Variants in PAK1 observed in about 807,000 individuals in gnomAD.
The protein encoded by PAK1 is serine/threonine-protein kinase PAK 1.
In PAK1, 29 loss-of-function variants were observed where a neutral mutation model predicts 67.4. That is an observed-to-expected ratio of 0.43 (90% CI 0.32 to 0.59). The LOEUF (loss-of-function observed/expected upper bound fraction) is 0.59. PAK1 is among the 20% of genes least tolerant of loss of function. The pLI is 0.07. For synonymous variants in PAK1, 223 were observed against 237.4 expected (o/e 0.94, Z 0.56); for missense variants, 337 against 670.7 (o/e 0.50, Z 5.50).
upstream of PAK1, chr11:77,474,979 T>C (rs1958035109): frequency 6.6e-6 from 1 of 152,176 alleles, no homozygotes; most frequent in South Asian, 2.1e-4. Flanking sequence ...ATTCAAATAT[T>C]AGTGATAGGA....
chr11:77,515,547 G>A, the PAK1 span, among the ~76,000 whole-genome samples: 6 of 152,188 alleles, frequency 3.9e-5, no homozygotes, highest in South Asian at 2.1e-4. Context: ...CCTTCCCACC[G>A]AAATACTACC....
At chr11:77,468,851 T>G (rs1957719695) in intron 1 of PAK1, among the ~76,000 whole-genome samples, 1 of 152,190 alleles carries the variant, frequency 6.6e-6, no homozygotes, top group East Asian at 1.9e-4. Context: ...TATTCAGGCA[T>G]TCATTAATGA....
the PAK1 span, among the ~76,000 whole-genome samples, chr11:77,490,329 TGGG>T: frequency 1.0e-5 from 1 of 96,216 alleles, no homozygotes; most frequent in African/African-American, 4.8e-5. Flanking sequence ...GGGAGGGAGG[TGGG>T]GGGGTCAGCC....
intron 1 of PAK1, among the ~76,000 whole-genome samples, chr11:77,426,864 C>T (rs1047660456): frequency 8.4e-5 from 12 of 143,582 alleles, no homozygotes; most frequent in Admixed American, 4.2e-4. Context: ...AAAAAAAATT[C>T]GGTGCTATGA....
chr11:77,444,806 C>A (rs2852394), intron 1 of PAK1, among the ~76,000 whole-genome samples: 43,441 of 151,854 alleles, frequency 0.29, 6,502 homozygotes, highest in South Asian at 0.44. Context: ...TCTCAAAACT[C>A]CTTGGTTCCA....
the PAK1 span, among the ~76,000 whole-genome samples, chr11:77,480,616 C>T: frequency 6.6e-6 from 1 of 152,014 alleles, no homozygotes; most frequent in Admixed American, 6.5e-5. Flanking sequence ...CTCCGCCTCC[C>T]AGGTTCAAGT....
intron 1 of PAK1, among the ~76,000 whole-genome samples, chr11:77,458,507 G>A (rs1359848682): frequency 2.0e-5 from 3 of 152,218 alleles, no homozygotes; most frequent in Middle Eastern, 3.4e-3. Flanking sequence ...TGATTTTTGT[G>A]CGTGTGATTC....
chr11:77,339,696 G>A (rs1327462705), intron 11 of PAK1, among the ~76,000 whole-genome samples: 1 of 151,968 alleles, frequency 6.6e-6, no homozygotes, highest in Non-Finnish European at 1.5e-5. Flanking sequence ...TTCAGCTCTT[G>A]CACCATCAAA....
chr11:77,386,894 C>T (rs1950513204), intron 2 of PAK1, among the ~76,000 whole-genome samples: 1 of 152,124 alleles, frequency 6.6e-6, no homozygotes, highest in Non-Finnish European at 1.5e-5. Flanking sequence ...CTGCCTCAGC[C>T]TTCTGTGTAG....
At chr11:77,491,356 G>A in the PAK1 span, among the ~76,000 whole-genome samples, 2 of 151,906 alleles carry the variant, frequency 1.3e-5, no homozygotes, top group Admixed American at 1.3e-4. Context: ...TTAAAAGCAG[G>A]GGGATGAAGC....
At chr11:77,520,008 C>CA in the PAK1 span, among the ~76,000 whole-genome samples, 18 of 152,192 alleles carry the variant, frequency 1.2e-4, no homozygotes, top group South Asian at 1.2e-3. Flanking sequence ...TGTGGCCCCC[C>CA]CCTCCGCCCG....
Position 77,431,733 on chromosome 11 carries a change from A to G in PAK1, c.-21-39192T>C, listed in dbSNP as rs1226634604. On this transcript the variant is annotated intron_variant, in intron 1 of 14. Coordinates refer to ENST00000356341, the MANE Select transcript of PAK1 (RefSeq NM_002576.5). ...AAGGACCTAAGTGAAGAAGCCCCAC[A>G]AAAGCCAAGTAATTTCACAACATGT... 2.6e-5 allele frequency among the ~76,000 whole-genome samples: 4 copies of G among 152,222 alleles called. No individual in the cohort carries two copies. In the East Asian group the frequency reaches 7.7e-4, roughly 29 times the overall value.
chr11:77,406,520 T>TA (rs1262240136), intron 1 of PAK1, among the ~76,000 whole-genome samples: 1 of 152,214 alleles, frequency 6.6e-6, no homozygotes, highest in Non-Finnish European at 1.5e-5. Context: ...CTCATGCCTG[T>TA]AATCCCAGCA....
the PAK1 span, among the ~76,000 whole-genome samples, chr11:77,484,247 T>C: frequency 1.4e-5 from 2 of 140,496 alleles, no homozygotes; most frequent in East Asian, 4.2e-4. Flanking sequence ...GCTGAGAAGA[T>C]GAACAGAGAT....
chr11:77,324,668 A>G (rs975119191), intron 14 of PAK1, among the ~76,000 whole-genome samples: 8 of 152,096 alleles, frequency 5.3e-5, no homozygotes, highest in Admixed American at 1.3e-4. Context: ...ACCTCTAAAC[A>G]TAACTACTCA....
intron 1 of PAK1, among the ~76,000 whole-genome samples, chr11:77,451,275 A>C (rs1159239652): frequency 6.6e-6 from 1 of 152,228 alleles, no homozygotes; most frequent in Non-Finnish European, 1.5e-5. Flanking sequence ...TGAAGCAGGT[A>C]ATCAGATCCT....
intron 1 of PAK1, among the ~76,000 whole-genome samples, chr11:77,460,439 T>C (rs1246061570): frequency 2.0e-5 from 3 of 149,658 alleles, no homozygotes; most frequent in South Asian, 2.1e-4. Flanking sequence ...GCAGAATAAA[T>C]AGGAGGTAAG....
chr11:77,340,335 A>C (rs1379892250), intron 11 of PAK1, among the ~76,000 whole-genome samples: 2 of 152,196 alleles, frequency 1.3e-5, no homozygotes, highest in Non-Finnish European at 2.9e-5. Flanking sequence ...AAAAGAGATA[A>C]AGGAATATAT....
chr11:77,403,562 C>A (rs543951294), intron 1 of PAK1, among the ~76,000 whole-genome samples: 15 of 152,210 alleles, frequency 9.9e-5, no homozygotes, highest in Non-Finnish European at 1.9e-4. Flanking sequence ...CAGTCCCCTG[C>A]CTTTTTTTCC....
Sources: gnomAD v4.1 joint callset for allele counts (sites outside exome capture counted in the v4.1 genomes callset) on GRCh38, gnomAD v4.1.1 for gene constraint, MANE v1.5 for transcripts, NCBI Gene and HGNC (gene_info 2026-07-23, HGNC 2026-07-21) for gene names.